The following SHISA9 variants were observed in gnomAD, a reference collection of about 807,000 sequenced individuals.
SHISA9 encodes the protein protein shisa-9.
SHISA9 carries 13 observed loss-of-function variants against 38.0 expected under a neutral mutation model. That is an observed-to-expected ratio of 0.34 (90% confidence interval 0.22 to 0.54). The LOEUF (loss-of-function observed/expected upper bound fraction) is 0.54. Among genes scored for constraint, SHISA9 ranks in the 20% least tolerant of loss-of-function variants. The pLI is 0.91. For missense variants in SHISA9, 538 were observed against 575.8 expected (o/e 0.93, Z 0.67); for synonymous variants, 275 against 242.0 (o/e 1.14, Z -1.27).
the SHISA9 span, among the ~76,000 whole-genome samples, chr16:13,362,591 T>C: frequency 1.3e-5 from 2 of 152,176 alleles, no homozygotes; most frequent in South Asian, 2.1e-4. Flanking sequence ...TAGTAAGACA[T>C]GTGCAAGGAA....
intron 2 of SHISA9, among the ~76,000 whole-genome samples, chr16:13,075,607 C>T (rs1028814746): frequency 4.6e-5 from 7 of 152,174 alleles, no homozygotes; most frequent in African/African-American, 7.2e-5. Flanking sequence ...TGAGCAGGAG[C>T]GGCCCATTCC....
chr16:13,060,414 G>T (rs1232343239), intron 2 of SHISA9, among the ~76,000 whole-genome samples: 1 of 152,068 alleles, frequency 6.6e-6, no homozygotes, highest in Non-Finnish European at 1.5e-5. Flanking sequence ...CCTCTCTCTA[G>T]GATTCCGTTT....
intron 1 of SHISA9, chr16:12,908,619 G>C (rs1001573088): frequency 5.2e-6 from 8 of 1,551,230 alleles, no homozygotes; most frequent in Non-Finnish European, 7.0e-6. Flanking sequence ...CACTGCGTTT[G>C]AGTGCAAACC....
chr16:12,931,478 C>T (rs1224918594), intron 2 of SHISA9, among the ~76,000 whole-genome samples: 1 of 152,142 alleles, frequency 6.6e-6, no homozygotes, highest in Non-Finnish European at 1.5e-5. Context: ...CTGTTATTCC[C>T]ATCTTTATGT....
the SHISA9 span, among the ~76,000 whole-genome samples, chr16:13,345,668 A>T: frequency 1.3e-5 from 2 of 152,088 alleles, no homozygotes; most frequent in Admixed American, 6.5e-5. Context: ...GTCTTTGACG[A>T]ATCACTACAC....
At chr16:12,961,284 G>A (rs1385865556) in intron 2 of SHISA9, among the ~76,000 whole-genome samples, 4 of 152,170 alleles carry the variant, frequency 2.6e-5, no homozygotes, top group Admixed American at 2.0e-4. Flanking sequence ...AGAGGTAGCG[G>A]AGTGGAACAT....
At chr16:13,077,687 T>G (rs1335036175) in intron 2 of SHISA9, among the ~76,000 whole-genome samples, 1 of 152,164 alleles carries the variant, frequency 6.6e-6, no homozygotes, top group East Asian at 1.9e-4. Flanking sequence ...GGAGTTGGCA[T>G]GTGACTCTCA....
intron 2 of SHISA9, among the ~76,000 whole-genome samples, chr16:12,985,752 C>G (rs1483334867): frequency 6.6e-6 from 1 of 152,176 alleles, no homozygotes; most frequent in Non-Finnish European, 1.5e-5. Flanking sequence ...TTGTGGTCTG[C>G]AATCTTTGAC....
chr16:13,368,356 C>T, the SHISA9 span, among the ~76,000 whole-genome samples: 2 of 152,074 alleles, frequency 1.3e-5, no homozygotes, highest in Non-Finnish European at 2.9e-5. Flanking sequence ...ACTAACCTTA[C>T]ATGTTCTGAA....
At chr16:13,498,060 A>G in the SHISA9 span, among the ~76,000 whole-genome samples, 1 of 152,174 alleles carries the variant, frequency 6.6e-6, no homozygotes, top group Non-Finnish European at 1.5e-5. Flanking sequence ...TACAAACAAA[A>G]TAAAACAACA....
At chr16:13,082,120 G>A (rs1000363122) in intron 2 of SHISA9, among the ~76,000 whole-genome samples, 1 of 152,240 alleles carries the variant, frequency 6.6e-6, no homozygotes, top group Non-Finnish European at 1.5e-5. Flanking sequence ...AAAGGACAGT[G>A]AAGCTTACAG....
intron 2 of SHISA9, chr16:13,082,455 C>G (rs1335266863): frequency 6.6e-6 from 1 of 152,152 alleles, no homozygotes; most frequent in Non-Finnish European, 1.5e-5. Context: ...ACAGCTGCAG[C>G]AGCTGCACAA....
intron 1 of SHISA9, chr16:12,903,122 C>A (rs927318212): frequency 1.3e-5 from 2 of 154,972 alleles, no homozygotes; most frequent in Admixed American, 6.4e-5. Context: ...GCAACTCGTA[C>A]GACTCGCGAA....
chr16:13,534,291 C>T, the SHISA9 span, among the ~76,000 whole-genome samples: 1 of 147,200 alleles, frequency 6.8e-6, no homozygotes, highest in Admixed American at 6.9e-5. Context: ...GTGGTGCGAT[C>T]TCAGCTCACT....
the SHISA9 span, among the ~76,000 whole-genome samples, chr16:13,536,930 C>T: frequency 1.3e-5 from 2 of 152,210 alleles, no homozygotes; most frequent in Non-Finnish European, 2.9e-5. Flanking sequence ...CAAAATTCCA[C>T]AGTCTTTCTC....
intron 2 of SHISA9, among the ~76,000 whole-genome samples, chr16:13,077,245 T>TC (rs1342150571): frequency 4.7e-5 from 6 of 128,722 alleles, no homozygotes; most frequent in Non-Finnish European, 9.1e-5. Flanking sequence ...TTCTTCTTCT[T>TC]TTTTTTTTTT....
At chr16:12,914,499 G>A (rs1272855598) in intron 1 of SHISA9, among the ~76,000 whole-genome samples, 1 of 152,046 alleles carries the variant, frequency 6.6e-6, no homozygotes, top group African/African-American at 2.4e-5. Flanking sequence ...AATATTTGTT[G>A]AAACAATGAA....
chr16:13,345,760 C>G, the SHISA9 span, among the ~76,000 whole-genome samples: 1 of 152,104 alleles, frequency 6.6e-6, no homozygotes, highest in Non-Finnish European at 1.5e-5. Flanking sequence ...TCACCAGCAT[C>G]TGTTATTTTT....
At chr16:13,345,929 C>T in the SHISA9 span, among the ~76,000 whole-genome samples, 1 of 150,560 alleles carries the variant, frequency 6.6e-6, no homozygotes, top group South Asian at 2.2e-4. Flanking sequence ...AGGTCCTTCG[C>T]CCAATTCTTT....
Sources: allele counts gnomAD v4.1 joint callset (sites outside exome capture counted in the v4.1 genomes callset), GRCh38; gene constraint gnomAD v4.1.1; transcripts MANE v1.5; gene names NCBI Gene and HGNC (gene_info 2026-07-23, HGNC 2026-07-21).